SOX6: variants seen among roughly 807,000 people sequenced by gnomAD.
The protein encoded by SOX6 is SRY-box transcription factor 6, also known as transcription factor SOX-6.
Under a neutral mutation model 97.8 loss-of-function variants are expected in SOX6, and 11 were observed. The ratio of observed to expected loss-of-function variants is 0.11; its 90% CI spans 0.07 to 0.19. SOX6 has a LOEUF of 0.19. Among genes scored for constraint, SOX6 ranks in the 10% least tolerant of loss-of-function variants. The pLI is 1.00. For synonymous variants in SOX6, 360 were observed against 371.4 expected (o/e 0.97, Z 0.35); for missense variants, 810 against 1,039.5 (o/e 0.78, Z 3.04).
chr11:16,116,176 A>C (rs776254823), intron 6 of SOX6, among the ~76,000 whole-genome samples: 1 of 152,172 alleles, frequency 6.6e-6, no homozygotes, highest in Non-Finnish European at 1.5e-5. Context: ...TAATTACATA[A>C]GTAATAATAG....
intron 1 of SOX6, among the ~76,000 whole-genome samples, chr11:16,432,017 C>G (rs1250995539): frequency 6.6e-6 from 1 of 152,024 alleles, no homozygotes; most frequent in Non-Finnish European, 1.5e-5. Context: ...GGGATTTTCC[C>G]TAAAAGTTCC....
At chr11:16,222,517 C>T (rs564124983) in intron 4 of SOX6, among the ~76,000 whole-genome samples, 25 of 152,012 alleles carry the variant, frequency 1.6e-4, no homozygotes, top group South Asian at 4.1e-4. Context: ...GTTGGCCCTA[C>T]GTACAAGGTT....
chr11:16,344,742 A>G (rs1388412470), intron 1 of SOX6, among the ~76,000 whole-genome samples: 1 of 151,956 alleles, frequency 6.6e-6, no homozygotes, highest in African/African-American at 2.4e-5. Context: ...GGAAATGGTC[A>G]ATTTCGATGT....
chr11:16,662,651 GC>G (rs1847774589), intron 3 of SOX6, among the ~76,000 whole-genome samples: 1 of 151,910 alleles, frequency 6.6e-6, no homozygotes, highest in South Asian at 2.1e-4. Context: ...TTTAATAAAT[GC>G]AAAAAAAAGC....
chr11:16,241,612 T>C lies in SOX6; in HGVS notation c.446-6941A>G, dbSNP rs111768720. On this transcript the variant is annotated intron_variant, in intron 3 of 15. Transcript: ENST00000683767. ...GGGAAAATATTTCTGACTGCTGTTG[T>C]CTTGATGAGAGTGGTCAATCATAGT... Among the ~76,000 whole-genome samples, 209 of 152,210 alleles carry C rather than the reference T, an allele frequency of 1.4e-3. 1 individual carries two copies. The highest frequency in any genetic ancestry group is 4.5e-3 in the African/African-American group (186 of 41,564).
In SOX6 at chr11:15,972,597, AAACAAC is replaced by A. The variant is rs965529767; in HGVS notation, c.*206_*211del. Reference sequence around the variant, plus strand: ...TAATATGTCTTCACCTAAATTAAAAAAACAACAACAACAACAATAACAATAACAACA... The same window carrying A: ...TAATATGTCTTCACCTAAATTAAAAAAACAACAACAATAACAATAACAACA... On this transcript the variant is annotated 3_prime_UTR_variant, in exon 16 of 16. Coordinates refer to ENST00000683767, the MANE Select transcript of SOX6 (RefSeq NM_001367873.1). 6.7e-6 allele frequency: 4 copies of A among 598,476 alleles called. No individual in the cohort carries two copies. Among genetic ancestry groups the A allele is most frequent in the Non-Finnish European group, 1.2e-5 (4 of 342,324 alleles). The allele number at this position is 598,476 out of a possible 1,614,324, so 37.1% of individuals were successfully genotyped here.
chr11:16,105,219 G>A (rs188336540), intron 7 of SOX6, among the ~76,000 whole-genome samples: 1 of 151,786 alleles, frequency 6.6e-6, no homozygotes, highest in Admixed American at 6.6e-5. Context: ...TTTATCCCAA[G>A]AATGCAAGGG....
At chr11:16,503,300 T>C (rs1590225962) in intron 4 of SOX6, among the ~76,000 whole-genome samples, 1 of 131,726 alleles carries the variant, frequency 7.6e-6, no homozygotes, top group Non-Finnish European at 1.7e-5. Context: ...AGCAAACACA[T>C]AAATAAGAGA....
Position 16,049,783 on chromosome 11 carries a change from T to G in SOX6, c.1407A>C (p.Gly469=), listed in dbSNP as rs759780390. The part of the protein sequence containing the change: ...PNKSSIPSPI[G]GSLGRGSSLD... ...AAGAGGATCCTCTTCCCAGGCTTCC[T>G]CCAATGGGGCTAGGGATGCTGCTTT... The change falls in exon 11 of 16, where the codon GGA becomes GGC. Residue 469 remains glycine, a synonymous_variant. Coordinates refer to ENST00000683767, the MANE Select transcript of SOX6 (RefSeq NM_001367873.1). 4.3e-6 allele frequency: 7 copies of G among 1,613,636 alleles called. No homozygotes were observed. Among genetic ancestry groups the G allele is most frequent in the Non-Finnish European group, 4.2e-6 (5 of 1,179,806 alleles).
intron 6 of SOX6, among the ~76,000 whole-genome samples, chr11:16,150,072 G>T (rs1156585944): frequency 6.6e-6 from 1 of 152,136 alleles, no homozygotes; most frequent in Non-Finnish European, 1.5e-5. Flanking sequence ...CATTCATTCT[G>T]TAACATAAGT....
chr11:16,613,484 C>T lies in SOX6; in HGVS notation n.430-1224G>A, dbSNP rs1848426103. ...AGACATCTCTCGGTGCAGAGTGGTT[C>T]CGAAGCCCCAGCCCGCTGGGTCGCT... On this transcript the variant is annotated intron_variant and non_coding_transcript_variant, in intron 3 of 5. Transcript: ENST00000524520. This position sits in a 1 kb window ranked among gnomAD's most constrained non-coding sequence, Gnocchi z 4.6. Among the ~76,000 whole-genome samples the T allele has an allele frequency of 6.6e-6, 1 of 152,130 alleles. No individual in the cohort carries two copies. The highest frequency in any genetic ancestry group is 1.5e-5 in the Non-Finnish European group (1 of 68,018).
At chr11:16,432,013 T>C (rs1859280511) in intron 1 of SOX6, among the ~76,000 whole-genome samples, 1 of 152,088 alleles carries the variant, frequency 6.6e-6, no homozygotes, top group Non-Finnish European at 1.5e-5. Flanking sequence ...TTTGGGGATT[T>C]TCCCTAAAAG....
In SOX6 at chr11:15,989,353, T is replaced by A. The variant is rs535908733; in HGVS notation, c.1733-123A>T. 34 of 715,784 alleles carry A rather than the reference T, an allele frequency of 4.8e-5. No homozygotes were observed. In the South Asian group the frequency reaches 5.7e-4, roughly 12 times the overall value. 44.3% of individuals were successfully genotyped at this position (715,784 alleles called of 1,614,324 possible). A position where few individuals can be genotyped will look rare whatever the true frequency, so the allele number is the denominator to read the frequency against. On this transcript the variant is annotated intron_variant, in intron 13 of 15. Transcript: ENST00000683767. ...TCCTCCTCTTCTTTTCTAAGTGACT[T>A]CTTGGAAGTAGAAGGCAGGTTCAAA...
At chr11:16,369,649 T>C (rs1199088751) in intron 1 of SOX6, among the ~76,000 whole-genome samples, 2 of 152,148 alleles carry the variant, frequency 1.3e-5, no homozygotes, top group Non-Finnish European at 2.9e-5. Flanking sequence ...ATGTAGTGAG[T>C]GTTTTACATT....
chr11:16,456,722 C>T (rs1487220512), intron 1 of SOX6, among the ~76,000 whole-genome samples: 1 of 152,084 alleles, frequency 6.6e-6, no homozygotes, highest in Non-Finnish European at 1.5e-5. Flanking sequence ...AATGGTTTAT[C>T]GATGTATTCT....
chr11:16,136,714 G>C (rs1189433638), intron 6 of SOX6, among the ~76,000 whole-genome samples: 1 of 152,130 alleles, frequency 6.6e-6, no homozygotes, highest in Non-Finnish European at 1.5e-5. Context: ...GGAATTATCG[G>C]TGTAAGCCAC....
chr11:16,174,342 T>G (rs16932670), intron 6 of SOX6, among the ~76,000 whole-genome samples: 8,550 of 151,946 alleles, frequency 0.056, 619 homozygotes, highest in East Asian at 0.37. Context: ...TAACTTTCAT[T>G]GTTTGATATT....
intron 5 of SOX6, among the ~76,000 whole-genome samples, chr11:16,185,631 A>G (rs1392481174): frequency 1.3e-5 from 2 of 152,182 alleles, no homozygotes; most frequent in East Asian, 3.9e-4. Flanking sequence ...TTTAATTTTC[A>G]TTTTGAAATA....
At chr11:16,507,910 C>T (rs1328354326) in intron 4 of SOX6, among the ~76,000 whole-genome samples, 1 of 152,002 alleles carries the variant, frequency 6.6e-6, no homozygotes, top group African/African-American at 2.4e-5. Flanking sequence ...AAAGCTTCTG[C>T]ACAGCAAAGG....
Sources: gnomAD v4.1 joint callset for allele counts (sites outside exome capture counted in the v4.1 genomes callset) on GRCh38, gnomAD v4.1.1 for gene constraint, Gnocchi (gnomAD v3.1) non-coding constraint, MANE v1.5 for transcripts, NCBI Gene and HGNC (gene_info 2026-07-23, HGNC 2026-07-21) for gene names.